The following ZDHHC21 variants were observed in gnomAD, a reference collection of about 807,000 sequenced individuals.
ZDHHC21 encodes the protein palmitoyltransferase ZDHHC21.
A neutral mutation model predicts 34.6 loss-of-function variants in ZDHHC21; 15 were observed. That is an observed-to-expected ratio of 0.43 (90% CI 0.29 to 0.67). The LOEUF (loss-of-function observed/expected upper bound fraction) is 0.67, where lower values mean the gene tolerates loss of function less well. Ranked by LOEUF, ZDHHC21 falls within the 30% of genes least tolerant of loss-of-function variation. The pLI, the probability that ZDHHC21 is intolerant of heterozygous loss-of-function variation, is 0.14. For synonymous variants in ZDHHC21, 142 were observed against 101.8 expected (o/e 1.40, Z -2.38); for missense variants, 344 against 327.7 (o/e 1.05, Z -0.38).
chr9:14,651,334 C>T (rs1028323931), intron 7 of ZDHHC21, among the ~76,000 whole-genome samples: 1 of 151,626 alleles, frequency 6.6e-6, no homozygotes, highest in African/African-American at 2.4e-5. Context: ...AATAATATTG[C>T]TAAAAAATTC....
rs1184329804 is a variant in ZDHHC21 at position 14,632,087 on chromosome 9, ACACT to A, written c.621+7805_621+7808del. Among the ~76,000 whole-genome samples the A allele has an allele frequency of 2.0e-3, 299 of 151,882 alleles. 2 individuals are homozygous for A. The highest frequency in any genetic ancestry group is 6.7e-3 in the African/African-American group (277 of 41,390). On this transcript the variant is annotated intron_variant, in intron 8 of 9. Transcript: ENST00000380916. ...CAAACACACACACACACACACACAC[ACACT>A]ATCTACAAAGCACAATATAACAAGT...
At position 14,616,853 on chromosome 9, in the gene ZDHHC21, G is replaced by C. The variant is rs1175347557; in HGVS notation, c.*2113C>G. On this transcript the variant is annotated 3_prime_UTR_variant, in exon 10 of 10. Coordinates refer to ENST00000380916, the MANE Select transcript of ZDHHC21 (RefSeq NM_178566.6). ...AGGGGAACTGAGTACAGAGGGATCA[G>C]GACCAGGAAAGGTAAAGAGGAAGAG... 6.6e-6 allele frequency: 1 copy of C among 151,750 alleles called. No individual in the cohort carries two copies. Among genetic ancestry groups the C allele is most frequent in the East Asian group, 1.9e-4 (1 of 5,166 alleles). 9.4% of individuals were successfully genotyped at this position (151,750 alleles called of 1,614,324 possible). A position where few individuals can be genotyped will look rare whatever the true frequency, so the allele number is the denominator to read the frequency against.
chr9:14,614,568 G>A lies in ZDHHC21; in HGVS notation c.*4398C>T, dbSNP rs1277040110. 1.3e-5 allele frequency: 2 copies of A among 151,568 alleles called. No individual in the cohort carries two copies. Among genetic ancestry groups the A allele is most frequent in the African/African-American group, 4.8e-5 (2 of 41,362 alleles). The allele number at this position is 151,568 out of a possible 1,614,324, so 9.4% of individuals were successfully genotyped here. On this transcript the variant is annotated 3_prime_UTR_variant, in exon 10 of 10. Transcript: ENST00000380916. ...CTAATACTTTCTTATACTGTACTGTGGAATATTCTAGAATTCAACTGAGAA... is the reference window on the plus strand; with the variant it reads ...CTAATACTTTCTTATACTGTACTGTAGAATATTCTAGAATTCAACTGAGAA...
At chr9:14,637,477 T>G (rs1318658304) in intron 8 of ZDHHC21, among the ~76,000 whole-genome samples, 2 of 151,906 alleles carry the variant, frequency 1.3e-5, no homozygotes, top group Non-Finnish European at 2.9e-5. Flanking sequence ...TTAAAATAAG[T>G]AGAACTAACA....
At chr9:14,622,816 A>ACCTGC (rs936542987) in intron 8 of ZDHHC21, 1 of 794,782 alleles carries the variant, frequency 1.3e-6, no homozygotes. Context: ...GAGTTTCTAG[A>ACCTGC]CCTGCCAAAC....
At chr9:14,676,125 C>G (rs1424116373) in intron 3 of ZDHHC21, among the ~76,000 whole-genome samples, 1 of 151,962 alleles carries the variant, frequency 6.6e-6, no homozygotes, top group Non-Finnish European at 1.5e-5. Context: ...ATTACTGAAG[C>G]TCTGGTGTGA....
chr9:14,624,344 A>G (rs1825846861), intron 8 of ZDHHC21, among the ~76,000 whole-genome samples: 1 of 152,124 alleles, frequency 6.6e-6, no homozygotes, highest in Admixed American at 6.6e-5. Context: ...CTGTATATTC[A>G]AAGGAATAAA....
Position 14,616,205 on chromosome 9 carries a change from T to A in ZDHHC21, c.*2761A>T, listed in dbSNP as rs1254326202. Reference sequence around the variant, plus strand: ...TCTTTGTAGCTACAATACATTTCTATGTTTTGTAATAAATTGGTAATTTCA... The same window carrying A: ...TCTTTGTAGCTACAATACATTTCTAAGTTTTGTAATAAATTGGTAATTTCA... On this transcript the variant is annotated 3_prime_UTR_variant, in exon 10 of 10. Coordinates refer to ENST00000380916, the MANE Select transcript of ZDHHC21 (RefSeq NM_178566.6). 6.6e-6 allele frequency: 1 copy of A among 151,798 alleles called. No homozygotes were observed. Among genetic ancestry groups the A allele is most frequent in the Non-Finnish European group, 1.5e-5 (1 of 67,782 alleles). 9.4% of individuals were successfully genotyped at this position (151,798 alleles called of 1,614,324 possible).
rs1458925820 is a variant in ZDHHC21 at position 14,614,721 on chromosome 9, G to C, written c.*4245C>G. ...TTAATCATACAGTTAATACTAGCAAGTAGAACACATTAAATGTACATGGCT... is the reference window on the plus strand; with the variant it reads ...TTAATCATACAGTTAATACTAGCAACTAGAACACATTAAATGTACATGGCT... On this transcript the variant is annotated 3_prime_UTR_variant, in exon 10 of 10. Transcript: ENST00000380916. 6.6e-6 allele frequency: 1 copy of C among 151,786 alleles called. No individual in the cohort carries two copies. Among genetic ancestry groups the C allele is most frequent in the Middle Eastern group, 3.4e-3 (1 of 294 alleles). 9.4% of individuals were successfully genotyped at this position (151,786 alleles called of 1,614,324 possible).
chr9:14,649,336 T>C (rs1440660783), intron 7 of ZDHHC21, among the ~76,000 whole-genome samples: 1 of 152,088 alleles, frequency 6.6e-6, no homozygotes, highest in Non-Finnish European at 1.5e-5. Context: ...ATTTGAATTT[T>C]CAAAATAACT....
rs1332740918 is a variant in ZDHHC21 at position 14,612,272 on chromosome 9, G to A, written c.*6694C>T. Reference sequence around the variant, plus strand: ...TATATTGTATCTACATTCAAGGAGAGGTTGATTTTAGCTAACAATAATGCA... The same window carrying A: ...TATATTGTATCTACATTCAAGGAGAAGTTGATTTTAGCTAACAATAATGCA... On this transcript the variant is annotated 3_prime_UTR_variant, in exon 10 of 10. Coordinates refer to ENST00000380916, the MANE Select transcript of ZDHHC21 (RefSeq NM_178566.6). 6.6e-6 allele frequency: 1 copy of A among 151,932 alleles called. No individual in the cohort carries two copies. The highest frequency in any genetic ancestry group is 1.5e-5 in the Non-Finnish European group (1 of 67,932). The allele number at this position is 151,932 out of a possible 1,614,324, so 9.4% of individuals were successfully genotyped here. A position where few individuals can be genotyped will look rare whatever the true frequency, so the allele number is the denominator to read the frequency against.
chr9:14,589,034 C>A, the ZDHHC21 span: 3 of 150,852 alleles, frequency 2.0e-5, no homozygotes, highest in African/African-American at 7.3e-5. Context: ...AATAAAAATA[C>A]AAAAAAAAAA....
chr9:14,598,897 A>T, the ZDHHC21 span, among the ~76,000 whole-genome samples: 14 of 151,254 alleles, frequency 9.3e-5, no homozygotes, highest in Non-Finnish European at 1.8e-4. Flanking sequence ...CTGGGACCAC[A>T]AGCATGTGAC....
chr9:14,589,414 G>C, the ZDHHC21 span: 1 of 152,120 alleles, frequency 6.6e-6, no homozygotes, highest in African/African-American at 2.4e-5. Flanking sequence ...ATTTCTGTTT[G>C]CAGTCACTTG....
intron 8 of ZDHHC21, chr9:14,622,696 C>T: frequency 2.0e-6 from 2 of 985,278 alleles, no homozygotes; most frequent in African/African-American, 3.5e-5. Flanking sequence ...GCACACCTGA[C>T]AATCGCACAT....
intron 2 of ZDHHC21, chr9:14,683,603 G>A (rs1016495257): frequency 1.3e-5 from 2 of 152,132 alleles, no homozygotes; most frequent in African/African-American, 4.8e-5. Flanking sequence ...TGCATTCACA[G>A]CCAAATTCTA....
chr9:14,606,128 CATG>C (rs879793781), downstream of ZDHHC21, among the ~76,000 whole-genome samples: 3 of 152,148 alleles, frequency 2.0e-5, no homozygotes, highest in Non-Finnish European at 2.9e-5. Flanking sequence ...TTCCATACAA[CATG>C]ATGATTGGGC....
intron 3 of ZDHHC21, among the ~76,000 whole-genome samples, chr9:14,679,334 T>C (rs950915221): frequency 3.3e-5 from 5 of 152,276 alleles, no homozygotes; most frequent in African/African-American, 1.2e-4. Context: ...ATCTAAGTCA[T>C]AGGTATTCCG....
chr9:14,679,801 T>C (rs970277585), intron 3 of ZDHHC21, among the ~76,000 whole-genome samples: 1 of 152,130 alleles, frequency 6.6e-6, no homozygotes, highest in Non-Finnish European at 1.5e-5. Flanking sequence ...AGACTTACGA[T>C]TCAGAAAGAT....
Sources: gnomAD v4.1 joint callset for allele counts (sites outside exome capture counted in the v4.1 genomes callset) on GRCh38, gnomAD v4.1.1 for gene constraint, MANE v1.5 for transcripts, NCBI Gene and HGNC (gene_info 2026-07-23, HGNC 2026-07-21) for gene names.